CHCHD3: variants seen among roughly 807,000 people sequenced by gnomAD.
CHCHD3 encodes MICOS complex subunit MIC19.
A neutral mutation model predicts 38.2 loss-of-function variants in CHCHD3; 20 were observed. The ratio of observed to expected loss-of-function variants is 0.52; its 90% CI spans 0.37 to 0.76. The LOEUF (loss-of-function observed/expected upper bound fraction) is 0.76. CHCHD3 is among the 30% of genes least tolerant of loss of function. The pLI is 0.00. For missense variants in CHCHD3, 245 were observed against 279.2 expected (o/e 0.88, Z 0.87); for synonymous variants, 82 against 100.0 (o/e 0.82, Z 1.07).
At chr7:132,818,099 G>A (rs1807250992) in intron 6 of CHCHD3, among the ~76,000 whole-genome samples, 1 of 152,130 alleles carries the variant, frequency 6.6e-6, no homozygotes, top group Non-Finnish European at 1.5e-5. Context: ...TATTTGCTAT[G>A]GTTACAATTG....
intron 4 of CHCHD3, among the ~76,000 whole-genome samples, chr7:132,957,479 G>GTTTCTTTT (rs1212268102): frequency 6.6e-6 from 1 of 151,816 alleles, no homozygotes; most frequent in Admixed American, 6.6e-5. Flanking sequence ...CCCTTCTTAA[G>GTTTCTTTT]TTTCTTTTTT....
intron 4 of CHCHD3, among the ~76,000 whole-genome samples, chr7:132,896,701 A>G (rs1209175293): frequency 6.6e-6 from 1 of 152,248 alleles, no homozygotes; most frequent in Non-Finnish European, 1.5e-5. Context: ...CATGTTTATG[A>G]AAGACACAAG....
chr7:132,800,232 A>G (rs1399349832), intron 6 of CHCHD3, among the ~76,000 whole-genome samples: 1 of 152,180 alleles, frequency 6.6e-6, no homozygotes, highest in Non-Finnish European at 1.5e-5. Flanking sequence ...ATGGTGAAGG[A>G]CATAAATTAT....
At chr7:132,835,388 C>T (rs1363349207) in intron 6 of CHCHD3, among the ~76,000 whole-genome samples, 1 of 152,186 alleles carries the variant, frequency 6.6e-6, no homozygotes, top group Non-Finnish European at 1.5e-5. Flanking sequence ...TCTTACTACA[C>T]AGTTTGGCCA....
intron 4 of CHCHD3, among the ~76,000 whole-genome samples, chr7:132,908,026 A>C (rs1159286440): frequency 6.6e-6 from 1 of 152,224 alleles, no homozygotes; most frequent in African/African-American, 2.4e-5. Flanking sequence ...TCACCACCGA[A>C]ACTAGGCAAT....
rs149427412 is a variant in CHCHD3 at position 132,976,466 on chromosome 7, A to T, written c.252-1180T>A. ...ATAAAGATAAATTACTTTGGCACTG[A>T]TTTTTGCCATAGTGCCTGGCACATA... On this transcript the variant is annotated intron_variant, in intron 3 of 7. Coordinates refer to ENST00000262570, the MANE Select transcript of CHCHD3 (RefSeq NM_017812.4). Among the ~76,000 whole-genome samples the T allele has an allele frequency of 7.3e-3, 1,114 of 152,282 alleles. 13 individuals are homozygous for T. Among genetic ancestry groups the T allele is most frequent in the African/African-American group, 0.026 (1,093 of 41,562 alleles).
chr7:132,881,909 TG>T (rs765614149), intron 5 of CHCHD3, among the ~76,000 whole-genome samples: 25 of 152,202 alleles, frequency 1.6e-4, no homozygotes, highest in Non-Finnish European at 3.1e-4. Flanking sequence ...GAGACCTAAA[TG>T]TCTCTCACAT....
At chr7:132,894,820 T>TGTACATTATTATGTAG (rs1809453943) in intron 4 of CHCHD3, among the ~76,000 whole-genome samples, 3 of 151,824 alleles carry the variant, frequency 2.0e-5, no homozygotes. Flanking sequence ...TGATTTTATG[T>TGTACATTATTATGTAG]GTACATTATT....
chr7:133,012,913 TG>T (rs1399937427), intron 3 of CHCHD3, among the ~76,000 whole-genome samples: 2 of 148,712 alleles, frequency 1.3e-5, no homozygotes, highest in African/African-American at 5.0e-5. Flanking sequence ...GGGCTGGGAG[TG>T]GTGTCTAACG....
At chr7:133,030,552 C>A (rs941674781) in intron 2 of CHCHD3, among the ~76,000 whole-genome samples, 5 of 152,150 alleles carry the variant, frequency 3.3e-5, no homozygotes, top group Non-Finnish European at 7.4e-5. Flanking sequence ...AAAAAATGTT[C>A]AAGCAATATA....
At chr7:132,982,319 C>T (rs1811940672) in intron 3 of CHCHD3, among the ~76,000 whole-genome samples, 1 of 152,214 alleles carries the variant, frequency 6.6e-6, no homozygotes, top group African/African-American at 2.4e-5. Flanking sequence ...GAGTCTCACT[C>T]TGTCTCCCAG....
intron 4 of CHCHD3, among the ~76,000 whole-genome samples, chr7:132,906,580 T>C (rs946523900): frequency 1.3e-5 from 2 of 152,184 alleles, no homozygotes; most frequent in Admixed American, 6.5e-5. Flanking sequence ...GTGACAAGAC[T>C]GGTTTTAGCG....
chr7:132,933,862 C>T (rs1810573404), intron 4 of CHCHD3, among the ~76,000 whole-genome samples: 1 of 152,094 alleles, frequency 6.6e-6, no homozygotes. Flanking sequence ...CCAGAGTGTG[C>T]CAGTGGGATT....
At chr7:133,065,922 T>C (rs552938281) in intron 2 of CHCHD3, among the ~76,000 whole-genome samples, 1 of 152,270 alleles carries the variant, frequency 6.6e-6, no homozygotes, top group South Asian at 2.1e-4. Flanking sequence ...GTGAGAGAAA[T>C]CATGTACTCA....
intron 4 of CHCHD3, among the ~76,000 whole-genome samples, chr7:132,920,101 G>A (rs911358640): frequency 3.3e-5 from 5 of 152,194 alleles, no homozygotes; most frequent in African/African-American, 1.2e-4. Context: ...AGTCCATGGA[G>A]CAGGGCTGTA....
At chr7:132,973,571 GCAGCTGC>G (rs1811666709) in intron 4 of CHCHD3, 1 of 994,108 alleles carries the variant, frequency 1.0e-6, no homozygotes, top group African/African-American at 1.7e-5. Context: ...TGTTCTTAGG[GCAGCTGC>G]CAGTCAGTCC....
chr7:132,911,481 G>C (rs1051643097), intron 4 of CHCHD3, among the ~76,000 whole-genome samples: 7 of 152,190 alleles, frequency 4.6e-5, no homozygotes, highest in African/African-American at 1.7e-4. Context: ...CGCTGACAAT[G>C]GACCTATAAA....
At chr7:133,045,793 G>A (rs1409864348) in intron 2 of CHCHD3, among the ~76,000 whole-genome samples, 1 of 152,060 alleles carries the variant, frequency 6.6e-6, no homozygotes, top group Non-Finnish European at 1.5e-5. Context: ...CCCTCTTGGT[G>A]CAATTCTTAT....
chr7:132,872,867 A>G (rs1808799869), intron 5 of CHCHD3, among the ~76,000 whole-genome samples: 1 of 152,004 alleles, frequency 6.6e-6, no homozygotes, highest in South Asian at 2.1e-4. Context: ...GCACTTAGGG[A>G]GGCCGAGGCA....
Sources: allele counts gnomAD v4.1 joint callset (sites outside exome capture counted in the v4.1 genomes callset), GRCh38; gene constraint gnomAD v4.1.1; transcripts MANE v1.5; gene names NCBI Gene and HGNC (gene_info 2026-07-23, HGNC 2026-07-21).